BCOR: variants seen among roughly 807,000 people sequenced by gnomAD.
BCOR encodes BCL-6 corepressor.
BCOR carries 10 observed loss-of-function variants against 86.7 expected under a neutral mutation model. The ratio of observed to expected loss-of-function variants is 0.12; its 90% CI spans 0.07 to 0.20. The LOEUF (loss-of-function observed/expected upper bound fraction) is 0.20. BCOR is among the 10% of genes least tolerant of loss of function. The pLI is 1.00. For synonymous variants in BCOR, 611 were observed against 609.0 expected, an observed-to-expected ratio of 1.00 and a Z score of -0.05; for missense variants, 1,259 against 1,452.1, an observed-to-expected ratio of 0.87 and a Z score of 2.16.
Position 40,064,411 on chromosome X carries a change from T to G in BCOR, c.3427A>C (p.Ser1143Arg). Residue 1143 changes from serine to arginine, a missense_variant, in exon 7 of 15, where the codon AGC (serine) becomes CGC (arginine). This residue lies in a region of BCOR where 305 missense variants were observed against 286.1 expected (regional missense o/e 1.07). Coordinates refer to ENST00000378444, the MANE Select transcript of BCOR (RefSeq NM_001123385.2). ...DRKRKVSGDS[S>R]HTETTAEEVP... ...TCCTCCGCAGTGGTCTCAGTGTGGCTGCTGTCACCTGAGACTTTGCGTTTC... is the reference window on the plus strand; with the variant it reads ...TCCTCCGCAGTGGTCTCAGTGTGGCGGCTGTCACCTGAGACTTTGCGTTTC... 8.2e-7 allele frequency: 1 copy of G among 1,212,148 alleles called. No individual in the cohort carries two copies. The highest frequency in any genetic ancestry group is 1.1e-6 in the Non-Finnish European group (1 of 895,419).
At chrX:40,093,827 G>T (rs1241209736) in intron 1 of BCOR, among the ~76,000 whole-genome samples, 1 of 111,725 alleles carries the variant, frequency 9.0e-6, no homozygotes, top group Non-Finnish European at 1.9e-5. Context: ...ACACCCGCAT[G>T]AATTCTCTTT....
intron 11 of BCOR, among the ~76,000 whole-genome samples, chrX:40,056,587 G>A (rs776779759): frequency 3.6e-5 from 4 of 112,130 alleles, no homozygotes; most frequent in Non-Finnish European, 5.6e-5. Context: ...ATACATTTCC[G>A]TTTGGCTATT....
upstream of BCOR, among the ~76,000 whole-genome samples, chrX:40,100,403 T>TC (rs1314354516): frequency 2.7e-5 from 3 of 110,797 alleles, no homozygotes; most frequent in Admixed American, 1.9e-4. Flanking sequence ...TTCTATCCCC[T>TC]CCCCTCGTCT....
chrX:40,075,307 TTC>T, intron 3 of BCOR, 127 bp from the exon 4 acceptor site: 2 of 288,726 alleles, frequency 6.9e-6, no homozygotes, highest in Non-Finnish European at 1.2e-5. Flanking sequence ...AAAGACAGGC[TTC>T]CGGCGGGGCG....
intron 1 of BCOR, among the ~76,000 whole-genome samples, chrX:40,107,998 G>A (rs1937225734): frequency 8.8e-6 from 1 of 113,167 alleles, no homozygotes; most frequent in African/African-American, 3.2e-5. Context: ...AGGAGAGAAA[G>A]TCCTTCTCAA....
chrX:40,104,464 G>C (rs1937132182), intron 1 of BCOR, among the ~76,000 whole-genome samples: 1 of 111,816 alleles, frequency 8.9e-6, no homozygotes, highest in Non-Finnish European at 1.9e-5. Flanking sequence ...ACTTTGTCGA[G>C]GAAGGTTTTG....
intron 1 of BCOR, among the ~76,000 whole-genome samples, chrX:40,133,756 G>A (rs1251046666): frequency 3.6e-5 from 4 of 111,564 alleles, no homozygotes; most frequent in Non-Finnish European, 7.5e-5. Flanking sequence ...CACCGCGCCC[G>A]GCCTCAATTT....
At chrX:40,076,355 C>T in intron 3 of BCOR, 99 bp downstream of exon 3, 2 of 688,134 alleles carry the variant, frequency 2.9e-6, no homozygotes, top group East Asian at 3.7e-5. Flanking sequence ...TGCCACCCCT[C>T]CCCCATTCCC....
intron 1 of BCOR, among the ~76,000 whole-genome samples, chrX:40,085,143 G>A (rs932460929): frequency 1.8e-5 from 2 of 113,245 alleles, no homozygotes; most frequent in Admixed American, 9.3e-5. Flanking sequence ...AGATGTGAGC[G>A]AGCTGGCAGA....
intron 11 of BCOR, among the ~76,000 whole-genome samples, chrX:40,056,716 G>A (rs1005305737): frequency 1.8e-5 from 2 of 111,933 alleles, no homozygotes; most frequent in African/African-American, 6.5e-5. Flanking sequence ...CAGGGTCAAG[G>A]ACAGGGTGAG....
intron 1 of BCOR, among the ~76,000 whole-genome samples, chrX:40,088,530 C>T (rs758929758): frequency 9.0e-6 from 1 of 111,554 alleles, no homozygotes; most frequent in South Asian, 3.8e-4. Context: ...AGCAGGCATC[C>T]CCTGAGAGTC....
chrX:40,077,675 C>T, intron 2 of BCOR, 169 bp downstream of exon 2: 1 of 466,406 alleles, frequency 2.1e-6, no homozygotes. Context: ...GGCGGCAATG[C>T]TTCACTGAGC....
rs1041358150 is a variant in BCOR at position 40,051,863 on chromosome X, G to A, written c.*246C>T. 5.2e-5 allele frequency: 15 copies of A among 288,034 alleles called. No homozygotes were observed. The highest frequency in any genetic ancestry group is 7.9e-5 in the Non-Finnish European group (13 of 165,377). The allele number at this position is 288,034 out of a possible 1,213,427, so 23.7% of individuals were successfully genotyped here. On this transcript the variant is annotated 3_prime_UTR_variant, in exon 15 of 15. Transcript: ENST00000378444. The stretch of plus-strand genomic sequence containing the variant: ...ACAAATGTTCCAAGTAAAAACAAAC[G>A]TATCCCAAAGCATGTGTGCATTGAA...
At chrX:40,052,477 A>C in intron 14 of BCOR, 77 bp from the exon 15 acceptor site, 1 of 928,292 alleles carries the variant, frequency 1.1e-6, no homozygotes, top group Admixed American at 2.5e-5. Context: ...TTAACTACCA[A>C]CCCAAGTGGA....
chrX:40,069,250 C>G (rs1348995851), intron 6 of BCOR, among the ~76,000 whole-genome samples: 1 of 112,099 alleles, frequency 8.9e-6, no homozygotes, highest in African/African-American at 3.3e-5. Flanking sequence ...TAAAAAGCAG[C>G]CTTCACCTTC....
At chrX:40,122,984 C>G (rs1377411001) in intron 1 of BCOR, among the ~76,000 whole-genome samples, 1 of 111,094 alleles carries the variant, frequency 9.0e-6, no homozygotes, top group Non-Finnish European at 1.9e-5. Flanking sequence ...AGCTTTTGGC[C>G]ACATCAGAGC....
At chrX:40,152,975 C>G (rs963350900) in intron 1 of BCOR, among the ~76,000 whole-genome samples, 1 of 112,635 alleles carries the variant, frequency 8.9e-6, no homozygotes, top group Non-Finnish European at 1.9e-5. Flanking sequence ...TCAGGGTGAC[C>G]GGGCTGGAGA....
chrX:40,147,752 A>G (rs776748613), intron 1 of BCOR, among the ~76,000 whole-genome samples: 2 of 113,235 alleles, frequency 1.8e-5, no homozygotes, highest in Non-Finnish European at 3.8e-5. Flanking sequence ...CGAGTCCCGA[A>G]GCGGAGGCGT....
intron 1 of BCOR, among the ~76,000 whole-genome samples, chrX:40,110,799 C>T (rs1361110676): frequency 1.0e-5 from 1 of 96,216 alleles, no homozygotes; most frequent in Admixed American, 1.2e-4. Context: ...CAACCTCCGC[C>T]TCCCGGGTTC....
Sources: allele counts gnomAD v4.1 joint callset (sites outside exome capture counted in the v4.1 genomes callset), GRCh38; gene constraint gnomAD v4.1.1; regional missense constraint gnomAD v4.1.1; transcripts MANE v1.5; gene names NCBI Gene and HGNC (gene_info 2026-07-23, HGNC 2026-07-21).